The following SLC6A6 variants were observed in gnomAD, a reference collection of about 807,000 sequenced individuals.
SLC6A6 encodes sodium- and chloride-dependent taurine transporter.
A neutral mutation model predicts 68.8 loss-of-function variants in SLC6A6; 16 were observed. The observed-to-expected ratio is 0.23, with a 90% CI of 0.16 to 0.35. The LOEUF (loss-of-function observed/expected upper bound fraction) is 0.35. Ranked by LOEUF, SLC6A6 falls within the 10% of genes least tolerant of loss-of-function variation. The pLI, the probability that SLC6A6 is intolerant of heterozygous loss-of-function variation, is 1.00. For synonymous variants in SLC6A6, 312 were observed against 315.4 expected, an observed-to-expected ratio of 0.99 and a Z score of 0.12; for missense variants, 474 against 802.8, an observed-to-expected ratio of 0.59 and a Z score of 4.95.
intron 2 of SLC6A6, among the ~76,000 whole-genome samples, chr3:14,443,013 T>G (rs1349475213): frequency 1.3e-5 from 2 of 152,254 alleles, no homozygotes; most frequent in Admixed American, 1.3e-4. Context: ...TCTCTATACT[T>G]GGATGGCAAC....
chr3:14,478,247 A>G (rs909552116), intron 11 of SLC6A6, among the ~76,000 whole-genome samples: 1 of 152,120 alleles, frequency 6.6e-6, no homozygotes, highest in Non-Finnish European at 1.5e-5. Flanking sequence ...GCTCCCGTGG[A>G]CCCATCATTT....
chr3:14,428,646 GTGT>G (rs1699654633), intron 2 of SLC6A6, among the ~76,000 whole-genome samples: 1 of 152,194 alleles, frequency 6.6e-6, no homozygotes, highest in Non-Finnish European at 1.5e-5. Flanking sequence ...CTGTGTGCAG[GTGT>G]GTGGGAGGGA....
At chr3:14,405,589 C>A (rs1699089150) in intron 1 of SLC6A6, among the ~76,000 whole-genome samples, 1 of 152,234 alleles carries the variant, frequency 6.6e-6, no homozygotes, top group Non-Finnish European at 1.5e-5. Flanking sequence ...GCTGATTCCC[C>A]ACTTCTGCAG....
intron 2 of SLC6A6, among the ~76,000 whole-genome samples, chr3:14,431,515 A>G (rs916276268): frequency 3.9e-5 from 6 of 152,270 alleles, no homozygotes; most frequent in African/African-American, 1.4e-4. Context: ...GCAGGGGAAG[A>G]GTGTACCGGG....
chr3:14,472,392 C>T lies in SLC6A6; in HGVS notation c.1209+75C>T. 1 of 917,942 alleles carries T rather than the reference C, an allele frequency of 1.1e-6. No homozygotes were observed. Among genetic ancestry groups the T allele is most frequent in the South Asian group, 1.4e-5 (1 of 74,010 alleles). 56.9% of individuals were successfully genotyped at this position (917,942 alleles called of 1,614,324 possible). A position where few individuals can be genotyped will look rare whatever the true frequency, so the allele number is the denominator to read the frequency against. On this transcript the variant is annotated intron_variant, in intron 10 of 14. Coordinates refer to ENST00000622186, the MANE Select transcript of SLC6A6 (RefSeq NM_003043.6). This position sits in a 1 kb window ranked among gnomAD's most constrained non-coding sequence, Gnocchi z 4.5. ...CTCTGGGAAAGACTCCTTATTCCAC[C>T]TGGGAGGTGGTCAACCCCCTTCCCC...
intron 2 of SLC6A6, among the ~76,000 whole-genome samples, chr3:14,426,951 AC>A (rs961381308): frequency 4.1e-4 from 62 of 151,636 alleles, no homozygotes; most frequent in African/African-American, 1.5e-3. Context: ...TGATAAAGGA[AC>A]CCCTCTCTGG....
At position 14,446,663 on chromosome 3, in the gene SLC6A6, G is replaced by A. The variant is rs1383085812; in HGVS notation, c.364+812G>A. 7.9e-5 allele frequency among the ~76,000 whole-genome samples: 12 copies of A among 152,190 alleles called. 1 individual carries two copies. Among genetic ancestry groups the A allele is most frequent in the Non-Finnish European group, 2.9e-5 (2 of 68,032 alleles). ...CAAGTCTCATTAACTCCCCTTGATA[G>A]TTTTGTGACTTTGAGAAGGTCACTT... On this transcript the variant is annotated intron_variant, in intron 4 of 14. Transcript: ENST00000622186.
intron 3 of SLC6A6, among the ~76,000 whole-genome samples, chr3:14,444,572 T>C (rs1700068693): frequency 1.3e-5 from 2 of 152,200 alleles, no homozygotes; most frequent in South Asian, 2.1e-4. Context: ...GGTGCCATGA[T>C]GGGGTTGAAG....
Position 14,468,819 on chromosome 3 carries a change from G to T in SLC6A6, c.1096+607G>T, listed in dbSNP as rs1022842599. On this transcript the variant is annotated intron_variant, in intron 9 of 14. Coordinates refer to ENST00000622186, the MANE Select transcript of SLC6A6 (RefSeq NM_003043.6). This position sits in a 1 kb window ranked among gnomAD's most constrained non-coding sequence, Gnocchi z 4.5. ...TGTAAGCACAGTGTCGCCCCTCGGGGTGTGGGCCCTGTTGACCAGGCACTC... is the reference window on the plus strand; with the variant it reads ...TGTAAGCACAGTGTCGCCCCTCGGGTTGTGGGCCCTGTTGACCAGGCACTC... 3.3e-5 allele frequency among the ~76,000 whole-genome samples: 5 copies of T among 152,276 alleles called. No homozygotes were observed. Among genetic ancestry groups the T allele is most frequent in the Admixed American group, 1.3e-4 (2 of 15,302 alleles).
At chr3:14,441,346 C>CG (rs753095557) in intron 2 of SLC6A6, among the ~76,000 whole-genome samples, 4 of 152,118 alleles carry the variant, frequency 2.6e-5, no homozygotes, top group Non-Finnish European at 5.9e-5. Context: ...TGATAACCAT[C>CG]GGGGGGCTGT....
chr3:14,436,531 C>CGTTTTTTT (rs1699855260), intron 2 of SLC6A6, among the ~76,000 whole-genome samples: 1 of 112,464 alleles, frequency 8.9e-6, no homozygotes, highest in African/African-American at 3.3e-5. Context: ...CAACAACTCC[C>CGTTTTTTT]TTTTTTTTTT....
At chr3:14,404,959 CAG>C (rs1699072897) in intron 1 of SLC6A6, among the ~76,000 whole-genome samples, 1 of 152,224 alleles carries the variant, frequency 6.6e-6, no homozygotes, top group African/African-American at 2.4e-5. Context: ...ATCTGCTTTT[CAG>C]AGTCTGGAGG....
Position 14,481,767 on chromosome 3 carries a change from G to C in SLC6A6, c.1648G>C (p.Ala550Pro), listed in dbSNP as rs1701013560. 6.2e-7 allele frequency: 1 copy of C among 1,613,994 alleles called. No individual in the cohort carries two copies. The highest frequency in any genetic ancestry group is 8.5e-7 in the Non-Finnish European group (1 of 1,179,984). The change falls in exon 14 of 15, where the codon GCC becomes CCC. Residue 550 changes from alanine to proline, a missense_variant. Ala to Pro is a conservative substitution (Grantham distance 27, BLOSUM62 -1). Coordinates refer to ENST00000622186, the MANE Select transcript of SLC6A6 (RefSeq NM_003043.6). The surrounding 1 kb of genome is among the most constrained non-coding windows in gnomAD (Gnocchi z 4.7). ...NWAIGLGWSLALSSMLCVPLV... is the reference protein window; with the variant it reads ...NWAIGLGWSLPLSSMLCVPLV... ...GGCCATTGGGCTGGGCTGGAGCCTG[G>C]CCCTTTCCTCCATGCTCTGCGTTCC... is the stretch of plus-strand genomic sequence containing the variant.
chr3:14,457,607 G>C (rs1483873006), intron 5 of SLC6A6, among the ~76,000 whole-genome samples: 3 of 152,174 alleles, frequency 2.0e-5, no homozygotes, highest in African/African-American at 7.2e-5. Context: ...TTTGGCCCAC[G>C]GTTGGCACTG....
chr3:14,472,230 C>G lies in SLC6A6; in HGVS notation c.1122C>G (p.Tyr374Ter). The G allele has an allele frequency of 6.2e-7, 1 of 1,613,352 alleles. No homozygotes were observed. Among genetic ancestry groups the G allele is most frequent in the Non-Finnish European group, 8.5e-7 (1 of 1,179,288 alleles). The change falls in exon 10 of 15, where the codon TAC becomes TAG. Residue 374 changes from tyrosine (Y) to a stop codon, truncating the protein, a stop_gained. Transcript: ENST00000622186. LOFTEE classifies it high-confidence loss of function. The surrounding 1 kb of genome is among the most constrained non-coding windows in gnomAD (Gnocchi z 4.5). ...GTCCTGGCCTGGCCTTCATTGCCTA[C>G]CCAAAAGCTGTGACAATGATGCCGC... ...ESGPGLAFIA[Y>*]PKAVTMMPLP...
intron 1 of SLC6A6, among the ~76,000 whole-genome samples, chr3:14,406,534 G>A (rs960188496): frequency 1.3e-5 from 2 of 152,182 alleles, no homozygotes; most frequent in African/African-American, 2.4e-5. Context: ...CTGTAAACAT[G>A]GGGGTGAAGG....
intron 5 of SLC6A6, among the ~76,000 whole-genome samples, chr3:14,453,189 T>G (rs1212198669): frequency 6.6e-6 from 1 of 152,202 alleles, no homozygotes; most frequent in Non-Finnish European, 1.5e-5. Flanking sequence ...TTTGGCCCGC[T>G]AGGAGGACGT....
chr3:14,440,496 C>A (rs927096688), intron 2 of SLC6A6, among the ~76,000 whole-genome samples: 1 of 152,000 alleles, frequency 6.6e-6, no homozygotes, highest in Non-Finnish European at 1.5e-5. Flanking sequence ...GTGCTGGGAC[C>A]TGGTGGGCAA....
chr3:14,413,081 A>T (rs1435613763), intron 1 of SLC6A6, among the ~76,000 whole-genome samples: 2 of 152,226 alleles, frequency 1.3e-5, no homozygotes, highest in Non-Finnish European at 2.9e-5. Flanking sequence ...GGCTGCTGAC[A>T]GCAGGGCGGC....
Sources: allele counts gnomAD v4.1 joint callset (sites outside exome capture counted in the v4.1 genomes callset), GRCh38; gene constraint gnomAD v4.1.1; non-coding constraint Gnocchi (gnomAD v3.1); transcripts MANE v1.5; gene names NCBI Gene and HGNC (gene_info 2026-07-23, HGNC 2026-07-21).